Variants in ZDHHC14 observed in about 807,000 individuals in gnomAD.
The protein encoded by ZDHHC14 is zDHHC palmitoyltransferase 14, also known as palmitoyltransferase ZDHHC14.
A neutral mutation model predicts 47.7 loss-of-function variants in ZDHHC14; 16 were observed. The ratio of observed to expected loss-of-function variants is 0.34; its 90% CI spans 0.23 to 0.51. The LOEUF is 0.51. Ranked by LOEUF, ZDHHC14 falls within the 20% of genes least tolerant of loss-of-function variation. ZDHHC14 has a pLI of 0.97. For missense variants in ZDHHC14, 515 were observed against 662.5 expected (o/e 0.78, Z 2.44); for synonymous variants, 293 against 278.9 (o/e 1.05, Z -0.50).
chr6:157,473,394 T>C (rs1779400498), intron 1 of ZDHHC14, among the ~76,000 whole-genome samples: 1 of 152,226 alleles, frequency 6.6e-6, no homozygotes, highest in South Asian at 2.1e-4. Flanking sequence ...ATCCCACATA[T>C]AAGTGAGATT....
intron 2 of ZDHHC14, among the ~76,000 whole-genome samples, chr6:157,576,660 T>C (rs1361932969): frequency 6.6e-6 from 1 of 152,212 alleles, no homozygotes; most frequent in Non-Finnish European, 1.5e-5. Context: ...ATAGATATAG[T>C]CACAGAGACT....
In ZDHHC14 at chr6:157,397,989, T is replaced by G. The variant is rs867477751; in HGVS notation, c.245+15723T>G. 3.4e-4 allele frequency among the ~76,000 whole-genome samples: 51 copies of G among 151,822 alleles called. No individual in the cohort carries two copies. In the Middle Eastern group the frequency reaches 0.01, roughly 30 times the overall value. On this transcript the variant is annotated intron_variant, in intron 1 of 8. Transcript: ENST00000359775. Reference sequence around the variant, plus strand: ...AGAGAATCCAGCCTGGAAGGCAGCATGGGGTTAGCTTCCCAGCTCCTCAGC... The same window carrying G: ...AGAGAATCCAGCCTGGAAGGCAGCAGGGGGTTAGCTTCCCAGCTCCTCAGC...
At chr6:157,495,695 A>ATTTTTTTT (rs71027341) in intron 1 of ZDHHC14, among the ~76,000 whole-genome samples, 50 of 104,342 alleles carry the variant, frequency 4.8e-4, no homozygotes, top group African/African-American at 1.6e-3. Flanking sequence ...TTCGGGTTGA[A>ATTTTTTTT]TTTTTTTTTT....
intron 1 of ZDHHC14, among the ~76,000 whole-genome samples, chr6:157,422,762 A>G (rs989083117): frequency 9.9e-5 from 15 of 152,212 alleles, no homozygotes; most frequent in South Asian, 2.1e-4. Flanking sequence ...TGCCCAAGGC[A>G]TTTGTATCGA....
intron 1 of ZDHHC14, among the ~76,000 whole-genome samples, chr6:157,411,014 C>T (rs1712409296): frequency 6.6e-6 from 1 of 152,104 alleles, no homozygotes; most frequent in African/African-American, 2.4e-5. Context: ...TCTTTAACAC[C>T]ACAGACATCC....
Position 157,632,898 on chromosome 6 carries a change from A to G in ZDHHC14, c.752+16A>G. The G allele has an allele frequency of 6.2e-7, 1 of 1,613,958 alleles. No homozygotes were observed. Among genetic ancestry groups the G allele is most frequent in the Non-Finnish European group, 8.5e-7 (1 of 1,179,856 alleles). ...GTCCTGCAAGATATCCTTTGTGATG[A>G]TTCTGTTTTCACGATGCTAATGTGT... On this transcript the variant is annotated intron_variant, in intron 5 of 8. Coordinates refer to ENST00000359775, the MANE Select transcript of ZDHHC14 (RefSeq NM_024630.3).
chr6:157,457,378 T>C (rs1415345447), intron 1 of ZDHHC14, among the ~76,000 whole-genome samples: 1 of 152,128 alleles, frequency 6.6e-6, no homozygotes, highest in Non-Finnish European at 1.5e-5. Flanking sequence ...TTTGTGATCA[T>C]TTGGGAATGC....
intron 2 of ZDHHC14, among the ~76,000 whole-genome samples, chr6:157,590,161 T>C (rs761064522): frequency 1.3e-5 from 2 of 152,096 alleles, no homozygotes; most frequent in Non-Finnish European, 2.9e-5. Context: ...TTTGGAAAAT[T>C]TGTAGCCAGA....
chr6:157,531,319 C>T (rs779015910), intron 1 of ZDHHC14, among the ~76,000 whole-genome samples: 4 of 152,094 alleles, frequency 2.6e-5, no homozygotes, highest in Non-Finnish European at 5.9e-5. Flanking sequence ...GTTCCAGAGT[C>T]CAGTCCAGGG....
rs534265646 is a variant in ZDHHC14 at position 157,550,652 on chromosome 6, A to G, written c.406+7907A>G. On this transcript the variant is annotated intron_variant, in intron 2 of 8. Transcript: ENST00000359775. ...GACCATGGTGTCACATAGGGATTCT[A>G]GCGACCACAGTGTTTCCCCTCCTGA... Among the ~76,000 whole-genome samples, 33 of 152,342 alleles carry G rather than the reference A, an allele frequency of 2.2e-4. 1 individual carries two copies. In the South Asian group the frequency reaches 6.0e-3, roughly 28 times the overall value.
intron 1 of ZDHHC14, among the ~76,000 whole-genome samples, chr6:157,497,811 T>G (rs569017077): frequency 1.3e-5 from 2 of 152,202 alleles, no homozygotes; most frequent in Non-Finnish European, 2.9e-5. Context: ...CTACTAAAGA[T>G]AGTGAGTCAG....
chr6:157,613,985 C>A (rs930900660), intron 3 of ZDHHC14, among the ~76,000 whole-genome samples: 2 of 152,204 alleles, frequency 1.3e-5, no homozygotes, highest in African/African-American at 2.4e-5. Flanking sequence ...CTCGTGGTCT[C>A]CCTGATATTA....
At chr6:157,665,432 CAG>C (rs900828884) in intron 8 of ZDHHC14, among the ~76,000 whole-genome samples, 4 of 152,312 alleles carry the variant, frequency 2.6e-5, no homozygotes, top group Non-Finnish European at 5.9e-5. Flanking sequence ...GATTTAGCAT[CAG>C]ACTCAGCATG....
chr6:157,416,490 T>G (rs897160691), intron 1 of ZDHHC14, among the ~76,000 whole-genome samples: 1 of 151,368 alleles, frequency 6.6e-6, no homozygotes, highest in South Asian at 2.1e-4. Context: ...CGGTGAGACC[T>G]TCTATCAAAA....
At position 157,645,713 on chromosome 6, in the gene ZDHHC14, G is replaced by A. The variant is rs369045976; in HGVS notation, c.753-24G>A. On this transcript the variant is annotated intron_variant, in intron 5 of 8. Transcript: ENST00000359775. ...ACTTCTTGCGCGGTCCCTCACTTCCGCTTGCCTCCTTGACTCGCATCACCG... is the reference window on the plus strand; with the variant it reads ...ACTTCTTGCGCGGTCCCTCACTTCCACTTGCCTCCTTGACTCGCATCACCG... 69 of 1,604,750 alleles carry A rather than the reference G, an allele frequency of 4.3e-5. No individual in the cohort carries two copies. In the African/African-American group the frequency reaches 7.4e-4, roughly 17 times the overall value.
At chr6:157,409,031 C>T (rs1260321243) in intron 1 of ZDHHC14, among the ~76,000 whole-genome samples, 1 of 152,190 alleles carries the variant, frequency 6.6e-6, no homozygotes, top group Non-Finnish European at 1.5e-5. Flanking sequence ...AGAGGAACCC[C>T]CAGATGCTCC....
intron 8 of ZDHHC14, among the ~76,000 whole-genome samples, chr6:157,669,955 C>T (rs540749103): frequency 2.0e-5 from 3 of 152,370 alleles, no homozygotes; most frequent in Non-Finnish European, 1.5e-5. Context: ...AAGCACAGTC[C>T]GTCCAAACCC....
At chr6:157,552,873 G>A (rs1782294915) in intron 2 of ZDHHC14, among the ~76,000 whole-genome samples, 2 of 152,150 alleles carry the variant, frequency 1.3e-5, no homozygotes, top group South Asian at 4.1e-4. Context: ...CTAACCTAGA[G>A]CCATCTGCCA....
At chr6:157,616,608 T>G (rs1283401035) in intron 3 of ZDHHC14, among the ~76,000 whole-genome samples, 3 of 151,928 alleles carry the variant, frequency 2.0e-5, no homozygotes, top group Non-Finnish European at 4.4e-5. Flanking sequence ...CTGACCTGAG[T>G]GTGTACCGTA....
Sources: gnomAD v4.1 joint callset for allele counts (sites outside exome capture counted in the v4.1 genomes callset) on GRCh38, gnomAD v4.1.1 for gene constraint, MANE v1.5 for transcripts, NCBI Gene and HGNC (gene_info 2026-07-23, HGNC 2026-07-21) for gene names.